DNAH12: variants seen among roughly 807,000 people sequenced by gnomAD.
DNAH12 encodes dynein axonemal heavy chain 12, also known as axonemal beta dynein heavy chain 12.
DNAH12 carries 285 observed loss-of-function variants against 371.5 expected under a neutral mutation model. The ratio of observed to expected loss-of-function variants is 0.77; its 90% CI spans 0.70 to 0.85. The LOEUF (loss-of-function observed/expected upper bound fraction) is 0.85. Among genes scored for constraint, DNAH12 ranks in the 40% least tolerant of loss-of-function variants. DNAH12 has a pLI of 0.00. For synonymous variants in DNAH12, 1,200 were observed against 1,213.0 expected (o/e 0.99, Z 0.22); for missense variants, 3,611 against 3,689.4 (o/e 0.98, Z 0.55).
rs368757579 is a variant in DNAH12 at position 57,421,902 on chromosome 3, C to CTTTTTTTTT, written c.5374-205_5374-197dup. 8.2e-3 allele frequency among the ~76,000 whole-genome samples: 811 copies of CTTTTTTTTT among 98,478 alleles called. 159 individuals carry two copies. The highest frequency in any genetic ancestry group is 0.037 in the African/African-American group (754 of 20,576). 64.6% of individuals were successfully genotyped at this position (98,478 alleles called of 152,430 possible). A position where few individuals can be genotyped will look rare whatever the true frequency, so the allele number is the denominator to read the frequency against. On this transcript the variant is annotated intron_variant, in intron 35 of 73. Transcript: ENST00000495027. ...AATTTTTATCAAAATGTTTGCATGT[C>CTTTTTTTTT]TTTTTTTTTTTTTTTTTTTTTGAGA...
intron 49 of DNAH12, among the ~76,000 whole-genome samples, chr3:57,383,664 C>CG (rs1458943175): frequency 2.6e-5 from 2 of 76,460 alleles, no homozygotes; most frequent in Admixed American, 4.0e-4. Flanking sequence ...GGGTGGGGGG[C>CG]GGGGGGGATT....
intron 30 of DNAH12, among the ~76,000 whole-genome samples, chr3:57,434,791 T>C (rs1490843147): frequency 6.6e-6 from 1 of 152,030 alleles, no homozygotes; most frequent in Non-Finnish European, 1.5e-5. Context: ...GTGAAAAGGA[T>C]AGTAAACAGA....
At chr3:57,410,895 CA>C (rs2064180737) in intron 39 of DNAH12, among the ~76,000 whole-genome samples, 3 of 151,268 alleles carry the variant, frequency 2.0e-5, no homozygotes, top group African/African-American at 7.3e-5. Flanking sequence ...GGAATATCTA[CA>C]AAAACCCTAC....
intron 72 of DNAH12, 92 bp from the exon 73 acceptor site, chr3:57,295,684 G>T: frequency 9.4e-7 from 1 of 1,064,916 alleles, no homozygotes; most frequent in South Asian, 1.9e-5. Flanking sequence ...TTTACTAAAA[G>T]AAAGGACTAG....
At chr3:57,438,918 C>CGAAAAAAAAAAAAAAAAAAAAAAAAAA (rs562343761) in intron 29 of DNAH12, among the ~76,000 whole-genome samples, 7 of 94,532 alleles carry the variant, frequency 7.4e-5, no homozygotes, top group Non-Finnish European at 8.1e-5. Flanking sequence ...CTGTCTCAGA[C>CGAAAAAAAAAAAAAAAAAAAAAAAAAA]AAAAAAAAAA....
intron 4 of DNAH12, chr3:57,519,528 G>A: frequency 3.4e-6 from 2 of 582,514 alleles, no homozygotes; most frequent in Non-Finnish European, 6.3e-6. Context: ...CCAAGCCTTT[G>A]ATGTGTCCCA....
At chr3:57,317,140 C>T (rs553818081) in intron 65 of DNAH12, among the ~76,000 whole-genome samples, 2 of 152,274 alleles carry the variant, frequency 1.3e-5, no homozygotes, top group African/African-American at 4.8e-5. Flanking sequence ...TCCCTTAGTT[C>T]ATAACACTAT....
intron 39 of DNAH12, among the ~76,000 whole-genome samples, 182 bp from the exon 40 acceptor site, chr3:57,408,717 ACTG>A (rs1553682127): frequency 9.1e-4 from 138 of 150,848 alleles, no homozygotes; most frequent in Non-Finnish European, 1.6e-3. Context: ...CCCCTCAGTG[ACTG>A]ATTCTGCTAC....
intron 2 of DNAH12, among the ~76,000 whole-genome samples, chr3:57,528,928 G>A (rs1422857808): frequency 6.6e-6 from 1 of 151,598 alleles, no homozygotes; most frequent in Non-Finnish European, 1.5e-5. Flanking sequence ...AGCCTCCTGA[G>A]TAGCTGGGAT....
At position 57,405,012 on chromosome 3, in the gene DNAH12, A is replaced by T. The variant is rs1553680535; in HGVS notation, c.6712T>A (p.Tyr2238Asn). 1 of 1,535,912 alleles carries T rather than the reference A, an allele frequency of 6.5e-7. No homozygotes were observed. Among genetic ancestry groups the T allele is most frequent in the African/African-American group, 1.4e-5 (1 of 72,150 alleles). Reference sequence around the variant, plus strand: ...ATTCTTGTTTTGTGTGTTTGATTATACTCATCTAAGCACTGGTCCACAACA... The same window carrying T: ...ATTCTTGTTTTGTGTGTTTGATTATTCTCATCTAAGCACTGGTCCACAACA... ...SDVVDQCLDE[Y>N]NQTHKTRMNL... The change falls in exon 42 of 74, where the codon TAT becomes AAT. Residue 2238 changes from tyrosine (Y) to asparagine (N), a missense_variant. Around this residue, in one of 3 missense-constraint regions of DNAH12, gnomAD observed 2,266 missense variants for 2,236.9 expected, o/e 1.01. Coordinates refer to ENST00000495027, the MANE Select transcript of DNAH12 (RefSeq NM_001366028.2).
intron 39 of DNAH12, among the ~76,000 whole-genome samples, chr3:57,409,231 G>GT (rs1240193405): frequency 1.3e-5 from 2 of 152,164 alleles, no homozygotes; most frequent in African/African-American, 2.4e-5. Flanking sequence ...AAGCCATCAA[G>GT]TCTCTAATAC....
Position 57,322,378 on chromosome 3 carries a change from G to T in DNAH12, c.10489C>A (p.Pro3497Thr), listed in dbSNP as rs1163932173. 4 of 1,551,552 alleles carry T rather than the reference G, an allele frequency of 2.6e-6. No individual in the cohort carries two copies. The highest frequency in any genetic ancestry group is 3.5e-6 in the Non-Finnish European group (4 of 1,146,978). ...QSYLTDPVSDPEFFKGCRGKE... is the reference protein window; with the variant it reads ...QSYLTDPVSDTEFFKGCRGKE... ...CCACGGCATCCCTTGAAAAACTCAG[G>T]ATCAGAAACTGGATCAGTGAGATAT... The change falls in exon 65 of 74, where the codon CCT (proline) becomes ACT (threonine). Residue 3497 changes from proline to threonine, a missense_variant. This residue lies in a region of DNAH12 where 2,266 missense variants were observed against 2,236.9 expected (regional missense o/e 1.01). Transcript: ENST00000495027.
At chr3:57,382,143 C>G (rs2063405908) in intron 50 of DNAH12, 119 bp downstream of exon 50, 1 of 152,144 alleles carries the variant, frequency 6.6e-6, no homozygotes, top group Non-Finnish European at 1.5e-5. Flanking sequence ...TATATACAGA[C>G]AATATCTGGA....
Position 57,310,735 on chromosome 3 carries a change from G to C in DNAH12, c.10878C>G (p.Asp3626Glu). ...YFAPPKGTYE[D>E]YIEFIKKLPF... ...TCATTACCTTAATGAATTCAATGTA[G>C]TCCTCATAAGTGCCTTTAGGAGGTG... Residue 3626 changes from aspartate (D) to glutamate (E), a missense_variant, in exon 67 of 74, where the codon GAC (aspartate) becomes GAG (glutamate). By Grantham distance (45) the Asp-to-Glu change is conservative. Coordinates refer to ENST00000495027, the MANE Select transcript of DNAH12 (RefSeq NM_001366028.2). The C allele has an allele frequency of 6.5e-7, 1 of 1,549,864 alleles. No individual in the cohort carries two copies. The highest frequency in any genetic ancestry group is 1.4e-5 in the African/African-American group (1 of 73,076).
intron 29 of DNAH12, among the ~76,000 whole-genome samples, chr3:57,443,191 C>A (rs1445930924): frequency 1.3e-5 from 2 of 152,096 alleles, no homozygotes; most frequent in African/African-American, 2.4e-5. Context: ...CTCACTGCAA[C>A]CTCCGCCTCC....
intron 61 of DNAH12, 69 bp downstream of exon 61, chr3:57,334,713 A>G: frequency 6.6e-7 from 1 of 1,506,852 alleles, no homozygotes; most frequent in Non-Finnish European, 8.8e-7. Context: ...ACCATTTAAA[A>G]ATCACTAAAT....
At position 57,421,571 on chromosome 3, in the gene DNAH12, T is replaced by C; in HGVS notation, c.5509A>G (p.Lys1837Glu). 1.3e-6 allele frequency: 2 copies of C among 1,551,696 alleles called. No individual in the cohort carries two copies. Among genetic ancestry groups the C allele is most frequent in the Non-Finnish European group, 8.7e-7 (1 of 1,146,988 alleles). The change falls in exon 36 of 74, where the codon AAA (lysine) becomes GAA (glutamate). Residue 1837 changes from lysine to glutamate, a missense_variant. Lys to Glu is a moderately conservative substitution (Grantham distance 56, BLOSUM62 1). Transcript: ENST00000495027. ...DENPVPDSVG[K>E]WECPFDEKGL... ...TTTTCATCAAATGGGCATTCCCATT[T>C]ACCCACAGAATCTGGCACTGGGTTT...
chr3:57,504,329 C>A, intron 8 of DNAH12, 125 bp from the exon 9 acceptor site: 12 of 850,270 alleles, frequency 1.4e-5, no homozygotes, highest in East Asian at 2.7e-5. Context: ...CCTATCAATC[C>A]ATTTAATTGA....
At position 57,403,419 on chromosome 3, in the gene DNAH12, T is replaced by A; in HGVS notation, c.6838A>T (p.Ser2280Cys). The A allele has an allele frequency of 6.4e-7, 1 of 1,551,576 alleles. No homozygotes were observed. The highest frequency in any genetic ancestry group is 1.4e-5 in the African/African-American group (1 of 73,172). Residue 2280 changes from serine to cysteine, a missense_variant, in exon 43 of 74, where the codon AGT becomes TGT. Coordinates refer to ENST00000495027, the MANE Select transcript of DNAH12 (RefSeq NM_001366028.2). Reference sequence around the variant, plus strand: ...AGACGAGTTAAAGATTGACGACCACTTCCTCCAAGACCAACAAGCAAAGCA... The same window carrying A: ...AGACGAGTTAAAGATTGACGACCACATCCTCCAAGACCAACAAGCAAAGCA... ...GNALLVGLGG[S>C]GRQSLTRLAT...
Sources: gnomAD v4.1 joint callset for allele counts (sites outside exome capture counted in the v4.1 genomes callset) on GRCh38, gnomAD v4.1.1 for gene constraint, gnomAD v4.1.1 regional missense constraint, MANE v1.5 for transcripts, NCBI Gene and HGNC (gene_info 2026-07-23, HGNC 2026-07-21) for gene names.